Variants in RPS6KC1 observed in about 807,000 individuals in gnomAD.
The protein encoded by RPS6KC1 is ribosomal protein S6 kinase C1.
In RPS6KC1, 54 loss-of-function variants were observed where a neutral mutation model predicts 103.8. The observed-to-expected ratio is 0.52, with a 90% CI of 0.42 to 0.65. The LOEUF (loss-of-function observed/expected upper bound fraction) is 0.65, where lower values mean the gene tolerates loss of function less well. Ranked by LOEUF, RPS6KC1 falls within the 30% of genes least tolerant of loss-of-function variation. The probability of loss-of-function intolerance (pLI) is 0.00; values close to 1 mark genes in which losing one functional copy is unlikely to be tolerated. For missense variants in RPS6KC1, 1,151 were observed against 1,253.8 expected (o/e 0.92, Z 1.24); for synonymous variants, 439 against 438.7 (o/e 1.00, Z -0.01).
chr1:213,315,339 A>G, the RPS6KC1 span, among the ~76,000 whole-genome samples: 2 of 152,224 alleles, frequency 1.3e-5, no homozygotes, highest in Non-Finnish European at 2.9e-5. Flanking sequence ...TCATTTTGAC[A>G]CTAGCCTGAG....
chr1:213,588,793 G>C, the RPS6KC1 span, among the ~76,000 whole-genome samples: 1 of 152,136 alleles, frequency 6.6e-6, no homozygotes, highest in Non-Finnish European at 1.5e-5. Flanking sequence ...CCCTCTGCAG[G>C]AGGTGCATTA....
chr1:213,243,483 A>G lies in RPS6KC1; in HGVS notation c.2911+825A>G, dbSNP rs549316026. Among the ~76,000 whole-genome samples, 11 of 152,322 alleles carry G rather than the reference A, an allele frequency of 7.2e-5. No individual in the cohort carries two copies. The South Asian group carries it at 2.3e-3, about 32-fold the overall frequency. On this transcript the variant is annotated intron_variant, in intron 12 of 14. Coordinates refer to ENST00000366960, the MANE Select transcript of RPS6KC1 (RefSeq NM_012424.6). ...TGTGCCAACCTGGCATTTTATAACA[A>G]ATTTTTATAGACAAAACAGTTTTAT... is the stretch of plus-strand genomic sequence containing the variant.
the RPS6KC1 span, among the ~76,000 whole-genome samples, chr1:213,824,791 C>T: frequency 6.6e-6 from 1 of 152,222 alleles, no homozygotes; most frequent in Non-Finnish European, 1.5e-5. Flanking sequence ...CACGGAACTA[C>T]AAGTCCATTA....
the RPS6KC1 span, among the ~76,000 whole-genome samples, chr1:213,535,335 G>T: frequency 6.6e-6 from 1 of 152,322 alleles, no homozygotes; most frequent in African/African-American, 2.4e-5. Context: ...AATACGTTTG[G>T]TGTTGAGTTT....
At chr1:213,152,431 T>G (rs1237519695) in intron 6 of RPS6KC1, among the ~76,000 whole-genome samples, 1 of 147,606 alleles carries the variant, frequency 6.8e-6, no homozygotes, top group East Asian at 2.1e-4. Context: ...GAGACGCTCC[T>G]CACTTCCCAG....
At chr1:213,833,681 G>C in the RPS6KC1 span, among the ~76,000 whole-genome samples, 1 of 152,130 alleles carries the variant, frequency 6.6e-6, no homozygotes, top group East Asian at 1.9e-4. Context: ...AGGGTCTGAA[G>C]GGAGATAGGC....
chr1:213,183,212 G>C (rs1231227672), intron 8 of RPS6KC1, among the ~76,000 whole-genome samples: 1 of 152,080 alleles, frequency 6.6e-6, no homozygotes, highest in Non-Finnish European at 1.5e-5. Flanking sequence ...GAAATAGGCA[G>C]TTACAGGTGG....
In RPS6KC1 at chr1:213,274,620, G is replaced by A. The variant is rs1455681129; in HGVS notation, c.*1986G>A. On this transcript the variant is annotated 3_prime_UTR_variant, in exon 15 of 15. Transcript: ENST00000366960. ...ACAGGATAAATAGCTTTGGGGTGAT[G>A]AACCAGAGTCTGTTTTTATTTTATG... 1 of 152,058 alleles carries A rather than the reference G, an allele frequency of 6.6e-6. No homozygotes were observed. Among genetic ancestry groups the A allele is most frequent in the African/African-American group, 2.4e-5 (1 of 41,410 alleles). 9.4% of individuals were successfully genotyped at this position (152,058 alleles called of 1,614,324 possible).
At chr1:213,805,801 A>G in the RPS6KC1 span, among the ~76,000 whole-genome samples, 1 of 152,370 alleles carries the variant, frequency 6.6e-6, no homozygotes, top group East Asian at 1.9e-4. Flanking sequence ...CATCAGGGGA[A>G]TCACTATCTG....
At chr1:213,601,141 C>G in the RPS6KC1 span, among the ~76,000 whole-genome samples, 16 of 152,214 alleles carry the variant, frequency 1.1e-4, no homozygotes, top group South Asian at 1.5e-3. Context: ...TTGATTTTCT[C>G]TTTCCAAAAC....
At chr1:213,374,772 G>A in the RPS6KC1 span, among the ~76,000 whole-genome samples, 2 of 152,216 alleles carry the variant, frequency 1.3e-5, no homozygotes, top group African/African-American at 4.8e-5. Context: ...AATGAGAAAT[G>A]TGGCCTGAAG....
the RPS6KC1 span, among the ~76,000 whole-genome samples, chr1:213,623,321 C>T: frequency 6.6e-6 from 1 of 152,114 alleles, no homozygotes; most frequent in South Asian, 2.1e-4. Context: ...ATTTGCGGAA[C>T]CGTGTATTAA....
At position 213,104,483 on chromosome 1, in the gene RPS6KC1, A is replaced by T. The variant is rs1389325752; in HGVS notation, c.292A>T (p.Arg98Ter). 1.9e-6 allele frequency: 3 copies of T among 1,612,036 alleles called. No individual in the cohort carries two copies. The highest frequency in any genetic ancestry group is 1.7e-5 in the Admixed American group (1 of 59,912). ...ATTTGATGAAACTGTTATCGAAGAG[A>T]GAAGACAATGTGCTGAAGACCTGCT... ...GRFDETVIEE[R>*]RQCAEDLLQF... The change falls in exon 4 of 15, where the codon AGA becomes TGA. Residue 98 changes from arginine (R) to a stop codon, truncating the protein, a stop_gained. Transcript: ENST00000366960. LOFTEE classifies it high-confidence loss of function.
chr1:213,677,060 C>T, the RPS6KC1 span, among the ~76,000 whole-genome samples: 10 of 152,312 alleles, frequency 6.6e-5, no homozygotes, highest in South Asian at 2.1e-4. Context: ...GTGATCCATA[C>T]GATGCAGTTC....
chr1:213,089,992 T>C (rs2080818806), intron 3 of RPS6KC1, among the ~76,000 whole-genome samples: 1 of 152,232 alleles, frequency 6.6e-6, no homozygotes, highest in Non-Finnish European at 1.5e-5. Flanking sequence ...TATGGGCATA[T>C]TTAATTCAAG....
the RPS6KC1 span, among the ~76,000 whole-genome samples, chr1:213,498,493 C>T: frequency 3.3e-5 from 5 of 152,142 alleles, no homozygotes; most frequent in East Asian, 1.9e-4. Context: ...CTCGCTCTGT[C>T]GCCCAGGCTG....
intron 6 of RPS6KC1, among the ~76,000 whole-genome samples, chr1:213,140,688 A>C (rs886748011): frequency 6.6e-6 from 1 of 152,068 alleles, no homozygotes; most frequent in Non-Finnish European, 1.5e-5. Context: ...AATAAATCCT[A>C]CTTGAGCATG....
chr1:213,580,393 T>C, the RPS6KC1 span, among the ~76,000 whole-genome samples: 1 of 152,090 alleles, frequency 6.6e-6, no homozygotes, highest in East Asian at 1.9e-4. Flanking sequence ...AAGTGATTTA[T>C]TGAGATGGAA....
At chr1:213,171,847 G>A (rs2091499976) in intron 7 of RPS6KC1, among the ~76,000 whole-genome samples, 1 of 152,186 alleles carries the variant, frequency 6.6e-6, no homozygotes, top group Admixed American at 6.5e-5. Flanking sequence ...AGGGTTGGTA[G>A]ATTGCCCGTG....
Sources: gnomAD v4.1 joint callset for allele counts (sites outside exome capture counted in the v4.1 genomes callset) on GRCh38, gnomAD v4.1.1 for gene constraint, MANE v1.5 for transcripts, NCBI Gene and HGNC (gene_info 2026-07-23, HGNC 2026-07-21) for gene names.